DRAXIN: variants seen among roughly 807,000 people sequenced by gnomAD.
The protein encoded by DRAXIN is dorsal inhibitory axon guidance protein, also known as dorsal repulsive axon guidance protein.
DRAXIN carries 27 observed loss-of-function variants against 33.9 expected under a neutral mutation model. That is an observed-to-expected ratio of 0.80 (90% CI 0.59 to 1.10). The LOEUF is 1.10. Ranked by LOEUF, DRAXIN falls within the 50% of genes least tolerant of loss-of-function variation. The pLI, the probability that DRAXIN is intolerant of heterozygous loss-of-function variation, is 0.00. For synonymous variants in DRAXIN, 178 were observed against 194.0 expected, an observed-to-expected ratio of 0.92 and a Z score of 0.69; for missense variants, 371 against 460.8, an observed-to-expected ratio of 0.81 and a Z score of 1.78.
rs72872010 is a variant in DRAXIN, at chr1:11,704,255, G to A, written c.-10-1994G>A. Among the ~76,000 whole-genome samples the A allele has an allele frequency of 8.1e-3, 1,238 of 152,342 alleles. 20 individuals carry two copies. Among genetic ancestry groups the A allele is most frequent in the African/African-American group, 0.028 (1,178 of 41,568 alleles). ...TCTCCCAGGCTGTCATGTCCCTGCAGGACAGAAAGGCAGGGCTGGGTCTCG... is the reference window on the plus strand; with the variant it reads ...TCTCCCAGGCTGTCATGTCCCTGCAAGACAGAAAGGCAGGGCTGGGTCTCG... On this transcript the variant is annotated intron_variant, in intron 1 of 6. Transcript: ENST00000294485. This position sits in a 1 kb window ranked among gnomAD's most constrained non-coding sequence, Gnocchi z 4.6.
At chr1:11,689,974 G>A (rs535585984), upstream of DRAXIN, among the ~76,000 whole-genome samples, 2 of 151,938 alleles carry the variant, frequency 1.3e-5, no homozygotes, top group South Asian at 2.1e-4. Context: ...CTGCTTGCAA[G>A]TCTTCTCCCC....
At chr1:11,709,219 A>G (rs1641436360) in intron 2 of DRAXIN, 56 bp from the exon 3 acceptor site, 1 of 1,517,838 alleles carries the variant, frequency 6.6e-7, no homozygotes, top group Admixed American at 2.1e-5. Flanking sequence ...TCTACTGTAG[A>G]CTGCCACGAG....
intron 1 of DRAXIN, among the ~76,000 whole-genome samples, chr1:11,698,117 G>C (rs1641220508): frequency 6.6e-6 from 1 of 152,150 alleles, no homozygotes; most frequent in Non-Finnish European, 1.5e-5. Flanking sequence ...AAGTCTCATG[G>C]CAGCCTAATA....
chr1:11,712,817 C>T (rs150227662), intron 5 of DRAXIN, among the ~76,000 whole-genome samples: 9 of 151,954 alleles, frequency 5.9e-5, no homozygotes, highest in East Asian at 1.9e-4. Context: ...GAGAATCAAT[C>T]GCTTGAACCT....
intron 1 of DRAXIN, among the ~76,000 whole-genome samples, chr1:11,700,441 T>C (rs1044672754): frequency 1.3e-5 from 2 of 152,204 alleles, no homozygotes; most frequent in Admixed American, 6.5e-5. Flanking sequence ...TCACCTTATA[T>C]CCCTGGAATA....
At chr1:11,699,697 TG>T (rs1179689844) in intron 1 of DRAXIN, among the ~76,000 whole-genome samples, 5 of 151,978 alleles carry the variant, frequency 3.3e-5, no homozygotes, top group Admixed American at 1.3e-4. Flanking sequence ...GAGGTCAAGG[TG>T]GGTGGATCAC....
chr1:11,706,591 G>C lies in DRAXIN; in HGVS notation c.333G>C (p.Leu111=). The C allele has an allele frequency of 1.2e-6, 2 of 1,607,024 alleles. No individual in the cohort carries two copies. The highest frequency in any genetic ancestry group is 1.3e-5 in the African/African-American group (1 of 75,034). ...SPAGLLQDKD[L]LLGLALPYPE... ...CAGGCCTGCTGCAGGACAAGGACCTGCTCCTGGGACTGGCATTGCCCTACC... is the reference window on the plus strand; with the variant it reads ...CAGGCCTGCTGCAGGACAAGGACCTCCTCCTGGGACTGGCATTGCCCTACC... The change falls in exon 2 of 7, where the codon CTG becomes CTC. Residue 111 remains leucine (L), a synonymous_variant. Coordinates refer to ENST00000294485, the MANE Select transcript of DRAXIN (RefSeq NM_198545.4). This position sits in a 1 kb window ranked among gnomAD's most constrained non-coding sequence, Gnocchi z 5.5.
Position 11,723,542 on chromosome 1 carries a change from A to G in DRAXIN, c.*3846A>G, listed in dbSNP as rs900549484. 1 of 151,644 alleles carries G rather than the reference A, an allele frequency of 6.6e-6. No homozygotes were observed. Among genetic ancestry groups the G allele is most frequent in the Non-Finnish European group, 1.5e-5 (1 of 67,990 alleles). The allele number at this position is 151,644 out of a possible 1,614,324, so 9.4% of individuals were successfully genotyped here. ...ATTTTTTCATCTGTAAAATGGGAAT[A>G]ATAACTCTCCCTTCATAGGGTTGTT... On this transcript the variant is annotated 3_prime_UTR_variant, in exon 7 of 7. Transcript: ENST00000294485.
intron 2 of DRAXIN, among the ~76,000 whole-genome samples, chr1:11,708,008 C>T (rs774624678): frequency 6.6e-6 from 1 of 152,258 alleles, no homozygotes; most frequent in Non-Finnish European, 1.5e-5. Context: ...CTCGTGCAAA[C>T]AGCTGAGGCT....
chr1:11,719,816 A>G lies in DRAXIN; in HGVS notation c.*120A>G. The G allele has an allele frequency of 3.2e-6, 3 of 941,202 alleles. No individual in the cohort carries two copies. Among genetic ancestry groups the G allele is most frequent in the East Asian group, 5.4e-5 (2 of 37,302 alleles). 58.3% of individuals were successfully genotyped at this position (941,202 alleles called of 1,614,324 possible). On this transcript the variant is annotated 3_prime_UTR_variant, in exon 7 of 7. Transcript: ENST00000294485. ...TGGCTGAGGCTGCAGACTCAGGCCC[A>G]GGACACTCAACCCCAGGAGGGGAGC...
At position 11,694,169 on chromosome 1, in the gene DRAXIN, G is replaced by A. The variant is rs1156849645; in HGVS notation, c.-11+2316G>A. On this transcript the variant is annotated intron_variant, in intron 1 of 6. Transcript: ENST00000294485. This position sits in a 1 kb window ranked among gnomAD's most constrained non-coding sequence, Gnocchi z 4.9. Reference sequence around the variant, plus strand: ...GGGAGGGGTCTGCTCCTCCCTGGGTGGGGGCTGGGTCTCCTTCTGCTTGTG... The same window carrying A: ...GGGAGGGGTCTGCTCCTCCCTGGGTAGGGGCTGGGTCTCCTTCTGCTTGTG... Among the ~76,000 whole-genome samples the A allele has an allele frequency of 6.6e-6, 1 of 152,106 alleles. No individual in the cohort carries two copies. The highest frequency in any genetic ancestry group is 1.5e-5 in the Non-Finnish European group (1 of 68,010).
chr1:11,711,772 G>T, intron 3 of DRAXIN, 79 bp from the exon 4 acceptor site: 2 of 1,360,120 alleles, frequency 1.5e-6, no homozygotes, highest in Admixed American at 2.1e-5. Flanking sequence ...CCTCTTTTTT[G>T]TCCTCTGACC....
At position 11,704,903 on chromosome 1, in the gene DRAXIN, A is replaced by G. The variant is rs543972226; in HGVS notation, c.-10-1346A>G. ...AGGCAGAACTGGGTGAAGCCACCAC[A>G]GACCCTGCGAGGCTGGAGAAGGTGT... On this transcript the variant is annotated intron_variant, in intron 1 of 6. Transcript: ENST00000294485. This position sits in a 1 kb window ranked among gnomAD's most constrained non-coding sequence, Gnocchi z 4.6. Among the ~76,000 whole-genome samples the G allele has an allele frequency of 3.9e-4, 59 of 152,272 alleles. No individual in the cohort carries two copies. Among genetic ancestry groups the G allele is most frequent in the Admixed American group, 8.5e-4 (13 of 15,306 alleles).
chr1:11,709,283 TTGGTCC>T lies in DRAXIN; in HGVS notation c.461_466del (p.Leu154_Arg156delinsTer). The T allele has an allele frequency of 6.2e-7, 1 of 1,611,908 alleles. No homozygotes were observed. The highest frequency in any genetic ancestry group is 8.5e-7 in the Non-Finnish European group (1 of 1,178,806). ...CCCACCCTGTGTCTCAGGCCGAGCCTTGGTCCGAGGTCCCAGCTCCCTGATGAAGAA... is the reference window on the plus strand; with the variant it reads ...CCCACCCTGTGTCTCAGGCCGAGCCTGAGGTCCCAGCTCCCTGATGAAGAA... On this transcript the variant is annotated stop_gained and inframe_deletion, in exon 3 of 7. Transcript: ENST00000294485. LOFTEE classifies it high-confidence loss of function.
intron 1 of DRAXIN, among the ~76,000 whole-genome samples, chr1:11,695,270 A>G (rs975325207): frequency 2.0e-5 from 3 of 152,130 alleles, no homozygotes; most frequent in Admixed American, 6.6e-5. Context: ...TGTTGCTATT[A>G]CCATCTGAAA....
chr1:11,698,414 G>A (rs1011713439), intron 1 of DRAXIN, among the ~76,000 whole-genome samples: 1 of 152,168 alleles, frequency 6.6e-6, no homozygotes, highest in African/African-American at 2.4e-5. Context: ...ACTAGATCTG[G>A]GGCTGACTGC....
rs7412619 is a variant in DRAXIN at position 11,718,758 on chromosome 1, G to A, written c.938-826G>A. Among the ~76,000 whole-genome samples the A allele has an allele frequency of 7.9e-5, 12 of 152,250 alleles. No homozygotes were observed. In the South Asian group the frequency reaches 2.3e-3, roughly 29 times the overall value. The stretch of plus-strand genomic sequence containing the variant: ...GCTGGGATTACGGGTGTGAGCCACC[G>A]TACCCTGTGGACTTTATTTTTAGAG... On this transcript the variant is annotated intron_variant, in intron 6 of 6. Transcript: ENST00000294485.
Position 11,715,226 on chromosome 1 carries a change from T to G in DRAXIN, c.937+18T>G, listed in dbSNP as rs769025787. The G allele has an allele frequency of 4.3e-6, 7 of 1,614,000 alleles. No individual in the cohort carries two copies. The African/African-American group carries it at 9.3e-5, about 22-fold the overall frequency. On this transcript the variant is annotated intron_variant, in intron 6 of 6. Coordinates refer to ENST00000294485, the MANE Select transcript of DRAXIN (RefSeq NM_198545.4). ...TGTGGAAGGTGGGTCCAGACTCCTT[T>G]GCGGGGGGCTACCCATGCTCTGAGA... is the stretch of plus-strand genomic sequence containing the variant.
intron 2 of DRAXIN, among the ~76,000 whole-genome samples, chr1:11,709,028 G>C (rs1027000967): frequency 3.3e-5 from 5 of 152,206 alleles, no homozygotes; most frequent in African/African-American, 9.7e-5. Context: ...CTGGAATGTT[G>C]CTTTACAGGG....
Sources: allele counts gnomAD v4.1 joint callset (sites outside exome capture counted in the v4.1 genomes callset), GRCh38; gene constraint gnomAD v4.1.1; non-coding constraint Gnocchi (gnomAD v3.1); transcripts MANE v1.5; gene names NCBI Gene and HGNC (gene_info 2026-07-23, HGNC 2026-07-21).